The following PTPRR variants were observed in gnomAD, a reference collection of about 807,000 sequenced individuals.
The protein encoded by PTPRR is protein tyrosine phosphatase receptor type R.
PTPRR carries 38 observed loss-of-function variants against 77.2 expected under a neutral mutation model. The ratio of observed to expected loss-of-function variants is 0.49; its 90% confidence interval spans 0.38 to 0.65. PTPRR has a LOEUF of 0.65. Ranked by LOEUF, PTPRR falls within the 30% of genes least tolerant of loss-of-function variation. The probability of loss-of-function intolerance (pLI) is 0.00; values close to 1 mark genes in which losing one functional copy is unlikely to be tolerated. For synonymous variants in PTPRR, 299 were observed against 283.1 expected (o/e 1.06, Z -0.57); for missense variants, 744 against 799.2 (o/e 0.93, Z 0.83).
At chr12:70,841,399 T>A (rs975230209) in intron 2 of PTPRR, among the ~76,000 whole-genome samples, 2 of 152,142 alleles carry the variant, frequency 1.3e-5, no homozygotes, top group Non-Finnish European at 2.9e-5. Flanking sequence ...TCATTTGCAT[T>A]ACAGACCGGA....
At chr12:70,912,291 T>C (rs1893711550) in intron 1 of PTPRR, among the ~76,000 whole-genome samples, 1 of 152,184 alleles carries the variant, frequency 6.6e-6, no homozygotes, top group African/African-American at 2.4e-5. Flanking sequence ...ATTGGATCAT[T>C]AGTACAGTGA....
chr12:70,891,959 T>C (rs1307692546), intron 2 of PTPRR, among the ~76,000 whole-genome samples: 1 of 152,046 alleles, frequency 6.6e-6, no homozygotes, highest in Non-Finnish European at 1.5e-5. Context: ...GATCCTTCTA[T>C]AATGATGTTA....
Position 70,859,418 on chromosome 12 carries a change from GTTGT to G in PTPRR, c.357+33257_357+33260del. Among the ~76,000 whole-genome samples the G allele has an allele frequency of 2.0e-5, 3 of 152,110 alleles. 1 individual carries two copies. The South Asian group carries it at 6.2e-4, about 32-fold the overall frequency. Reference sequence around the variant, plus strand: ...CTACTGACATAGAGTCCAAAGAGAAGTTGTTTGTTGTTAATTGTATCATCGTTTT... The same window carrying G: ...CTACTGACATAGAGTCCAAAGAGAAGTTGTTGTTAATTGTATCATCGTTTT... On this transcript the variant is annotated intron_variant, in intron 2 of 13. Coordinates refer to ENST00000283228, the MANE Select transcript of PTPRR (RefSeq NM_002849.4).
intron 6 of PTPRR, among the ~76,000 whole-genome samples, chr12:70,729,554 G>A (rs1889581039): frequency 6.6e-6 from 1 of 152,080 alleles, no homozygotes; most frequent in South Asian, 2.1e-4. Flanking sequence ...ACTGTAAAAT[G>A]CTATATTTTT....
At chr12:70,748,715 T>C (rs1231271543) in intron 5 of PTPRR, among the ~76,000 whole-genome samples, 1 of 152,206 alleles carries the variant, frequency 6.6e-6, no homozygotes, top group Non-Finnish European at 1.5e-5. Flanking sequence ...AAAAATCTCA[T>C]GAGTAACACA....
chr12:70,704,752 G>A (rs1015251392), intron 6 of PTPRR, among the ~76,000 whole-genome samples: 3 of 151,776 alleles, frequency 2.0e-5, no homozygotes, highest in African/African-American at 7.3e-5. Flanking sequence ...TAATTAAGAC[G>A]TATAAAAAAA....
chr12:70,671,388 G>A (rs1218642814), intron 10 of PTPRR, among the ~76,000 whole-genome samples: 1 of 152,004 alleles, frequency 6.6e-6, no homozygotes, highest in Non-Finnish European at 1.5e-5. Flanking sequence ...AAAGCACAAA[G>A]CAGATTACAC....
chr12:70,707,247 T>C (rs1888650976), intron 6 of PTPRR, among the ~76,000 whole-genome samples: 1 of 152,158 alleles, frequency 6.6e-6, no homozygotes. Context: ...ATAGAGATTT[T>C]ACAAATTTCA....
chr12:70,875,704 C>A (rs1378512258), intron 2 of PTPRR, among the ~76,000 whole-genome samples: 1 of 147,130 alleles, frequency 6.8e-6, no homozygotes, highest in Admixed American at 6.8e-5. Context: ...AATGTTTGAA[C>A]ACAAAACAAT....
chr12:70,751,154 C>T (rs188240970), intron 5 of PTPRR, among the ~76,000 whole-genome samples: 1 of 152,302 alleles, frequency 6.6e-6, no homozygotes, highest in Non-Finnish European at 1.5e-5. Context: ...CATCCTCATT[C>T]TGAACGTGTC....
At chr12:70,722,121 C>A (rs1338477719) in intron 6 of PTPRR, among the ~76,000 whole-genome samples, 2 of 152,096 alleles carry the variant, frequency 1.3e-5, no homozygotes, top group Non-Finnish European at 1.5e-5. Flanking sequence ...CCTTTCCCAC[C>A]CACTCCTTTC....
intron 2 of PTPRR, among the ~76,000 whole-genome samples, chr12:70,817,845 G>A (rs961553055): frequency 7.9e-5 from 12 of 152,146 alleles, no homozygotes; most frequent in African/African-American, 2.9e-4. Context: ...ACCATTTATA[G>A]CTTTAATAGC....
intron 4 of PTPRR, among the ~76,000 whole-genome samples, chr12:70,757,768 C>T (rs997073512): frequency 3.9e-5 from 6 of 152,194 alleles, no homozygotes; most frequent in Admixed American, 3.3e-4. Context: ...ACCAGTGATC[C>T]TTTTTTTCTG....
At chr12:70,754,133 C>T (rs749696711) in intron 5 of PTPRR, 58 bp downstream of exon 5, 163 of 1,497,640 alleles carry the variant, frequency 1.1e-4, no homozygotes, top group Non-Finnish European at 1.2e-4. Context: ...GCAATGTACC[C>T]ACTAATATCA....
intron 2 of PTPRR, among the ~76,000 whole-genome samples, chr12:70,800,764 A>C (rs773522892): frequency 2.0e-5 from 3 of 152,034 alleles, no homozygotes; most frequent in Non-Finnish European, 4.4e-5. Context: ...GTGTGGTGAC[A>C]CGTGCCTGTA....
At chr12:70,824,933 T>C (rs2137044575) in intron 2 of PTPRR, among the ~76,000 whole-genome samples, 1 of 152,338 alleles carries the variant, frequency 6.6e-6, no homozygotes, top group African/African-American at 2.4e-5. Context: ...CTCCTCACAG[T>C]AACCCTGCTA....
chr12:70,880,571 GTCTT>G (rs1469054831), intron 2 of PTPRR, among the ~76,000 whole-genome samples: 2 of 151,888 alleles, frequency 1.3e-5, no homozygotes, highest in East Asian at 3.9e-4. Flanking sequence ...TTGTTTTGTT[GTCTT>G]TCTTCGATTA....
chr12:70,768,150 G>A (rs2136975936), intron 2 of PTPRR, among the ~76,000 whole-genome samples: 1 of 151,954 alleles, frequency 6.6e-6, no homozygotes, highest in East Asian at 1.9e-4. Flanking sequence ...CAGAAGGCAA[G>A]AAATAACTAA....
chr12:70,709,614 G>A (rs1028908222), intron 6 of PTPRR, among the ~76,000 whole-genome samples: 6 of 151,984 alleles, frequency 3.9e-5, no homozygotes, highest in East Asian at 3.9e-4. Context: ...CTTCTGAAGC[G>A]AATAAACAAC....
Sources: allele counts gnomAD v4.1 joint callset (sites outside exome capture counted in the v4.1 genomes callset), GRCh38; gene constraint gnomAD v4.1.1; transcripts MANE v1.5; gene names NCBI Gene and HGNC (gene_info 2026-07-23, HGNC 2026-07-21).